The following GNAS variants were observed in gnomAD, a reference collection of about 807,000 sequenced individuals.
GNAS encodes GNAS complex locus, also known as protein ALEX.
GNAS carries 8 observed loss-of-function variants against 54.5 expected under a neutral mutation model. The observed-to-expected ratio is 0.15, with a 90% confidence interval of 0.09 to 0.26. The LOEUF is 0.26. Ranked by LOEUF, GNAS falls within the 10% of genes least tolerant of loss-of-function variation. The probability of loss-of-function intolerance (pLI) is 1.00; values close to 1 mark genes in which losing one functional copy is unlikely to be tolerated. For synonymous variants in GNAS, 204 were observed against 191.4 expected (o/e 1.07, Z -0.54); for missense variants, 170 against 529.8 (o/e 0.32, Z 6.67).
intron 1 of GNAS, chr20:58,848,798 G>A: frequency 2.5e-6 from 1 of 398,044 alleles, no homozygotes; most frequent in East Asian, 3.6e-5. Flanking sequence ...TGCCACAGGT[G>A]GGTCAACTCC....
At chr20:58,845,954 T>C (rs552682080) in intron 1 of GNAS, among the ~76,000 whole-genome samples, 1 of 152,200 alleles carries the variant, frequency 6.6e-6, no homozygotes, top group South Asian at 2.1e-4. Context: ...ATTTTTTGTG[T>C]TTATTTTAGG....
At chr20:58,883,870 C>G (rs1051546234) in intron 1 of GNAS, among the ~76,000 whole-genome samples, 1 of 152,154 alleles carries the variant, frequency 6.6e-6, no homozygotes, top group Admixed American at 6.5e-5. Context: ...TTAGTTCCCC[C>G]CTCAAAATAA....
chr20:58,840,443 A>AGC, upstream of GNAS: 1 of 1,613,270 alleles, frequency 6.2e-7, no homozygotes, highest in Non-Finnish European at 8.5e-7. This position sits in a 1 kb window ranked among gnomAD's most constrained non-coding sequence, Gnocchi z 6.0. Context: ...CGAGACCGAG[A>AGC]GCGAGACCGA....
chr20:58,851,713 G>T (rs2086183311), intron 1 of GNAS, among the ~76,000 whole-genome samples: 1 of 152,242 alleles, frequency 6.6e-6, no homozygotes, highest in South Asian at 2.1e-4. Flanking sequence ...GCGGGCAACC[G>T]CCGGGTTTGT....
intron 1 of GNAS, among the ~76,000 whole-genome samples, chr20:58,865,433 T>C (rs1376241500): frequency 2.1e-5 from 3 of 145,080 alleles, no homozygotes; most frequent in African/African-American, 5.2e-5. Flanking sequence ...AATATATATA[T>C]ACACATATAT....
Position 58,855,877 on chromosome 20 carries a change from C to G in GNAS, c.43+14991C>G, listed in dbSNP as rs1044729564. On this transcript the variant is annotated intron_variant, in intron 1 of 12. Transcript: ENST00000306090. ...TTCCTATCCCGGCACCCCCAAATTA[C>G]CCGCCGACTGTGTACTTGTACTTGG... 2.9e-5 allele frequency: 16 copies of G among 547,652 alleles called. No individual in the cohort carries two copies. The Admixed American group carries it at 3.7e-4, about 13-fold the overall frequency. The allele number at this position is 547,652 out of a possible 1,614,324, so 33.9% of individuals were successfully genotyped here.
At chr20:58,900,719 C>T (rs2090530073) in intron 3 of GNAS, among the ~76,000 whole-genome samples, 1 of 152,190 alleles carries the variant, frequency 6.6e-6, no homozygotes, top group Non-Finnish European at 1.5e-5. Context: ...GGAATTTTCT[C>T]TGAATTTCAC....
At chr20:58,850,397 C>T (rs2086110980) in intron 1 of GNAS, 2 of 397,292 alleles carry the variant, frequency 5.0e-6, no homozygotes, top group South Asian at 1.4e-4. Flanking sequence ...ATGAGGGTGT[C>T]GAACAGAGAC....
intron 1 of GNAS, among the ~76,000 whole-genome samples, chr20:58,862,803 G>A (rs1197754224): frequency 6.6e-6 from 1 of 151,870 alleles, no homozygotes; most frequent in South Asian, 2.1e-4. Flanking sequence ...GAGATGAGGA[G>A]ATAACTTACT....
In GNAS at chr20:58,873,705, T is replaced by G. The variant is rs1401939330; in HGVS notation, c.44-21907T>G. 2.0e-5 allele frequency among the ~76,000 whole-genome samples: 3 copies of G among 152,206 alleles called. No individual in the cohort carries two copies. Among genetic ancestry groups the G allele is most frequent in the African/African-American group, 7.2e-5 (3 of 41,452 alleles). ...TTGCCTCAATTCGGGCATTTTCATTTGTTCATTCATTCGATATACATGTAT... is the reference window on the plus strand; with the variant it reads ...TTGCCTCAATTCGGGCATTTTCATTGGTTCATTCATTCGATATACATGTAT... On this transcript the variant is annotated intron_variant, in intron 1 of 12. Transcript: ENST00000306090. The surrounding 1 kb of genome is among the most constrained non-coding windows in gnomAD (Gnocchi z 4.3).
At chr20:58,895,933 G>A (rs1254839040) in intron 2 of GNAS, among the ~76,000 whole-genome samples, 1 of 151,926 alleles carries the variant, frequency 6.6e-6, no homozygotes, top group East Asian at 1.9e-4. Flanking sequence ...CCTATCCCAA[G>A]AAAATCGTGC....
chr20:58,853,584 G>A lies in GNAS; in HGVS notation c.43+12698G>A, dbSNP rs765294672. ...TGAGGAAGCAATGCCCTTCGAGGCT[G>A]AACAGCCCAGCTTGGGAGGCTTCTG... is the stretch of plus-strand genomic sequence containing the variant. On this transcript the variant is annotated intron_variant, in intron 1 of 12. Coordinates refer to the GNAS transcript ENST00000306090. This position sits in a 1 kb window ranked among gnomAD's most constrained non-coding sequence, Gnocchi z 4.4. The A allele has an allele frequency of 5.0e-6, 8 of 1,613,214 alleles. No individual in the cohort carries two copies. The Admixed American group carries it at 1.3e-4, about 27-fold the overall frequency.
intron 1 of GNAS, among the ~76,000 whole-genome samples, chr20:58,864,970 C>T (rs1371623393): frequency 1.3e-5 from 2 of 151,654 alleles, no homozygotes; most frequent in East Asian, 1.9e-4. Context: ...CACACACGCA[C>T]GCACACTCTC....
At chr20:58,878,648 G>A (rs1018379546) in intron 1 of GNAS, among the ~76,000 whole-genome samples, 5 of 152,110 alleles carry the variant, frequency 3.3e-5, no homozygotes, top group Non-Finnish European at 5.9e-5. Context: ...ATCTCCATGC[G>A]TGGTGATTCT....
intron 1 of GNAS, among the ~76,000 whole-genome samples, chr20:58,893,066 C>CTTTT (rs869179421): frequency 3.1e-4 from 32 of 103,088 alleles, no homozygotes; most frequent in African/African-American, 6.2e-4. Context: ...GGCGTGGTTT[C>CTTTT]TTTTTTTTTT....
chr20:58,902,220 C>A (rs992431291), intron 3 of GNAS, among the ~76,000 whole-genome samples: 1 of 152,142 alleles, frequency 6.6e-6, no homozygotes, highest in East Asian at 1.9e-4. Flanking sequence ...CTAACAGGTA[C>A]AGCAGGTGTG....
intron 1 of GNAS, among the ~76,000 whole-genome samples, chr20:58,865,898 T>G (rs2087039065): frequency 6.6e-6 from 1 of 152,192 alleles, no homozygotes; most frequent in African/African-American, 2.4e-5. Flanking sequence ...TAAATAGCCT[T>G]TACCCTTAAA....
intron 1 of GNAS, among the ~76,000 whole-genome samples, chr20:58,875,580 A>G (rs903870642): frequency 2.0e-5 from 3 of 152,136 alleles, no homozygotes; most frequent in Non-Finnish European, 2.9e-5. Context: ...CCTCTAAGCA[A>G]TGAGTTGACT....
intron 4 of GNAS, 25 bp from the exon 5 acceptor site, chr20:58,903,647 G>T: frequency 6.2e-7 from 1 of 1,614,100 alleles, no homozygotes; most frequent in South Asian, 1.1e-5. Flanking sequence ...GCTGTTCCCT[G>T]ACCGCTTTGC....
Sources: allele counts gnomAD v4.1 joint callset (sites outside exome capture counted in the v4.1 genomes callset), GRCh38; gene constraint gnomAD v4.1.1; non-coding constraint Gnocchi (gnomAD v3.1); transcripts MANE v1.5; gene names NCBI Gene and HGNC (gene_info 2026-07-23, HGNC 2026-07-21).